Variants in MAGI1 observed in about 807,000 individuals in gnomAD.
The protein encoded by MAGI1 is membrane-associated guanylate kinase, WW and PDZ domain-containing protein 1.
A neutral mutation model predicts 139.9 loss-of-function variants in MAGI1; 58 were observed. The observed-to-expected ratio is 0.41, with a 90% CI of 0.34 to 0.52. The LOEUF is 0.52. Among genes scored for constraint, MAGI1 ranks in the 20% least tolerant of loss-of-function variants. MAGI1 has a pLI of 0.12. For missense variants in MAGI1, 1,874 were observed against 1,901.6 expected (o/e 0.99, Z 0.27); for synonymous variants, 812 against 737.9 (o/e 1.10, Z -1.63).
intron 1 of MAGI1, among the ~76,000 whole-genome samples, chr3:65,771,256 G>A (rs147793528): frequency 0.058 from 8,739 of 151,546 alleles, 287 homozygotes; most frequent in Middle Eastern, 0.071. Flanking sequence ...GCAGTGAGCC[G>A]AGATTGCACC....
At chr3:65,826,380 G>T (rs1017862507) in intron 1 of MAGI1, among the ~76,000 whole-genome samples, 3 of 152,114 alleles carry the variant, frequency 2.0e-5, no homozygotes, top group African/African-American at 4.8e-5. Context: ...GAAGTAGAAG[G>T]GAATATTATT....
chr3:65,408,033 C>T (rs1390719083), intron 12 of MAGI1, among the ~76,000 whole-genome samples: 1 of 152,148 alleles, frequency 6.6e-6, no homozygotes, highest in Non-Finnish European at 1.5e-5. Flanking sequence ...CCCTCTCAAG[C>T]AAAGCTGCAC....
chr3:65,962,845 A>G (rs1343225900), intron 1 of MAGI1, among the ~76,000 whole-genome samples: 3 of 151,226 alleles, frequency 2.0e-5, no homozygotes, highest in African/African-American at 4.8e-5. Context: ...AAAAAAAAAA[A>G]AAGAAGCAGA....
At chr3:65,490,593 C>G (rs1402407649) in intron 3 of MAGI1, among the ~76,000 whole-genome samples, 3 of 151,978 alleles carry the variant, frequency 2.0e-5, no homozygotes, top group Non-Finnish European at 4.4e-5. Context: ...CGCCTGTAAT[C>G]CCAGTACTAT....
At chr3:65,908,904 T>C (rs562046621) in intron 1 of MAGI1, among the ~76,000 whole-genome samples, 4 of 152,308 alleles carry the variant, frequency 2.6e-5, no homozygotes, top group Admixed American at 1.3e-4. Context: ...AGTCTGCTTA[T>C]TCTCAGCATG....
At chr3:65,441,993 TACA>T (rs1553644578) in intron 8 of MAGI1, among the ~76,000 whole-genome samples, 1 of 152,064 alleles carries the variant, frequency 6.6e-6, no homozygotes, top group Non-Finnish European at 1.5e-5. Flanking sequence ...ATTATGTTTC[TACA>T]ACATTTATAT....
At chr3:65,398,843 G>C (rs1022312936) in intron 13 of MAGI1, among the ~76,000 whole-genome samples, 1 of 152,108 alleles carries the variant, frequency 6.6e-6, no homozygotes, top group Non-Finnish European at 1.5e-5. Flanking sequence ...TCCCCAATGA[G>C]TATATAAACC....
chr3:65,632,006 C>G (rs558411268), intron 1 of MAGI1, among the ~76,000 whole-genome samples: 1 of 146,448 alleles, frequency 6.8e-6, no homozygotes, highest in South Asian at 2.2e-4. Flanking sequence ...GCCGGGGCAA[C>G]AGAATGAGAC....
intron 2 of MAGI1, chr3:65,609,724 G>A (rs777015887): frequency 2.2e-5 from 6 of 268,206 alleles, no homozygotes; most frequent in Non-Finnish European, 3.9e-5. Flanking sequence ...TGCTAGAACT[G>A]CAGGTGTGCA....
At chr3:65,554,646 T>C (rs2080001878) in intron 2 of MAGI1, among the ~76,000 whole-genome samples, 1 of 152,198 alleles carries the variant, frequency 6.6e-6, no homozygotes, top group South Asian at 2.1e-4. Flanking sequence ...ATCCTCTTTC[T>C]ACCCTTCTGT....
chr3:65,782,742 C>A (rs1304091752), intron 1 of MAGI1, among the ~76,000 whole-genome samples: 2 of 150,454 alleles, frequency 1.3e-5, no homozygotes, highest in African/African-American at 4.9e-5. Context: ...GGTGTAATAC[C>A]TACAACAGTT....
chr3:65,621,613 A>G lies in MAGI1; in HGVS notation c.430+359T>C, dbSNP rs189750438. 3.4e-3 allele frequency among the ~76,000 whole-genome samples: 517 copies of G among 152,302 alleles called. 1 individual carries two copies. The highest frequency in any genetic ancestry group is 5.1e-3 in the Non-Finnish European group (349 of 68,038). ...TACTCCATTAATAACAGCAAATGTT[A>G]ACATTTATGGAGGCTCACAGCACAC... On this transcript the variant is annotated intron_variant, in intron 2 of 22. Coordinates refer to ENST00000402939, the MANE Select transcript of MAGI1 (RefSeq NM_001033057.2).
At chr3:65,537,475 A>C (rs1213749614) in intron 2 of MAGI1, among the ~76,000 whole-genome samples, 1 of 152,068 alleles carries the variant, frequency 6.6e-6, no homozygotes, top group Non-Finnish European at 1.5e-5. Context: ...TTTCTCCCCA[A>C]ACTGTAACTT....
At chr3:65,723,487 T>C (rs981746379) in intron 1 of MAGI1, among the ~76,000 whole-genome samples, 8 of 152,162 alleles carry the variant, frequency 5.3e-5, no homozygotes, top group African/African-American at 1.4e-4. Flanking sequence ...CTGTAGAATC[T>C]CCTCAAGCAG....
intron 1 of MAGI1, among the ~76,000 whole-genome samples, chr3:65,910,855 C>CATTTTTTTTTTTTTTTTTT (rs755783850): frequency 1.7e-5 from 1 of 59,480 alleles, no homozygotes; most frequent in East Asian, 7.5e-4. Context: ...ACATGGTGGA[C>CATTTTTTTTTTTTTTTTTT]TTTTTTTTTT....
chr3:66,004,632 G>T (rs1256329422), intron 1 of MAGI1, among the ~76,000 whole-genome samples: 1 of 152,158 alleles, frequency 6.6e-6, no homozygotes, highest in Admixed American at 6.5e-5. Context: ...CACTCCCATG[G>T]AAGCACAGTC....
rs1009252801 is a variant in MAGI1, at chr3:65,735,052, C to A, written c.314-112964G>T. 3.3e-5 allele frequency among the ~76,000 whole-genome samples: 5 copies of A among 152,184 alleles called. 1 individual carries two copies. In the South Asian group the frequency reaches 6.2e-4, roughly 19 times the overall value. On this transcript the variant is annotated intron_variant, in intron 1 of 22. Coordinates refer to ENST00000402939, the MANE Select transcript of MAGI1 (RefSeq NM_001033057.2). ...AGTTACTTGAGAATCTGGCAAAAGA[C>A]CCTTATTATTTAATAATAAATTACT...
rs1286845180 is a variant in MAGI1, at chr3:65,429,866, A to C, written c.1821T>G (p.Asp607Glu). 6.2e-7 allele frequency: 1 copy of C among 1,614,056 alleles called. No homozygotes were observed. Among genetic ancestry groups the C allele is most frequent in the South Asian group, 1.1e-5 (1 of 91,082 alleles). The change falls in exon 12 of 23, where the codon GAT (aspartate) becomes GAG (glutamate). Residue 607 changes from aspartate (D) to glutamate (E), a missense_variant. Asp to Glu is a conservative substitution (Grantham distance 45). Coordinates refer to ENST00000402939, the MANE Select transcript of MAGI1 (RefSeq NM_001033057.2). ...CGTCCGCTGGGCTGCTTGGCCTGGC[A>C]TCCTTCATGCCATTGACTTTGCCTG... ...SKTGKVNGMK[D>E]ARPSSPADVA...
At chr3:65,498,515 G>A (rs539401288) in intron 2 of MAGI1, among the ~76,000 whole-genome samples, 3 of 152,300 alleles carry the variant, frequency 2.0e-5, no homozygotes, top group South Asian at 2.1e-4. Context: ...CAAGCAAGCT[G>A]TTAAGCACTT....
Sources: allele counts gnomAD v4.1 joint callset (sites outside exome capture counted in the v4.1 genomes callset), GRCh38; gene constraint gnomAD v4.1.1; transcripts MANE v1.5; gene names NCBI Gene and HGNC (gene_info 2026-07-23, HGNC 2026-07-21).